The following PPP2R5A variants were observed in gnomAD, a reference collection of about 807,000 sequenced individuals.
PPP2R5A encodes the protein serine/threonine-protein phosphatase 2A 56 kDa regulatory subunit alpha isoform.
PPP2R5A carries 25 observed loss-of-function variants against 64.2 expected under a neutral mutation model. The observed-to-expected ratio is 0.39, with a 90% CI of 0.28 to 0.54. The LOEUF is 0.54. Ranked by LOEUF, PPP2R5A falls within the 20% of genes least tolerant of loss-of-function variation. The pLI is 0.67. For synonymous variants in PPP2R5A, 198 were observed against 201.2 expected, an observed-to-expected ratio of 0.98 and a Z score of 0.13; for missense variants, 425 against 576.3, an observed-to-expected ratio of 0.74 and a Z score of 2.69.
At chr1:212,311,635 G>T (rs780574604) in intron 1 of PPP2R5A, among the ~76,000 whole-genome samples, 29 of 152,112 alleles carry the variant, frequency 1.9e-4, no homozygotes, top group Non-Finnish European at 3.7e-4. Flanking sequence ...CCTCAGGCAG[G>T]CCCTTCAGGA....
chr1:212,358,664 G>C (rs780180514), intron 11 of PPP2R5A, 22 bp from the exon 12 acceptor site: 3 of 1,560,534 alleles, frequency 1.9e-6, no homozygotes, highest in Non-Finnish European at 2.6e-6. Context: ...CATAACTCAG[G>C]ACTGGCTCAT....
chr1:212,308,053 TTGCCCAGG>T (rs1658954013), intron 1 of PPP2R5A, among the ~76,000 whole-genome samples: 1 of 152,168 alleles, frequency 6.6e-6, no homozygotes, highest in Non-Finnish European at 1.5e-5. Context: ...TTCTCAACTG[TTGCCCAGG>T]CTGATCTTGA....
At chr1:212,294,823 G>A (rs186599041) in intron 1 of PPP2R5A, among the ~76,000 whole-genome samples, 1 of 152,318 alleles carries the variant, frequency 6.6e-6, no homozygotes, top group African/African-American at 2.4e-5. Context: ...TAGTAGGGGA[G>A]GGGAGTGATC....
chr1:212,335,049 A>G (rs927850279), intron 3 of PPP2R5A, among the ~76,000 whole-genome samples: 2 of 151,974 alleles, frequency 1.3e-5, no homozygotes, highest in Non-Finnish European at 2.9e-5. Context: ...GGTGTCCCAC[A>G]GGTCTCTGGA....
At chr1:212,309,833 A>G (rs1284662758) in intron 1 of PPP2R5A, among the ~76,000 whole-genome samples, 1 of 152,204 alleles carries the variant, frequency 6.6e-6, no homozygotes, top group African/African-American at 2.4e-5. Flanking sequence ...AGAAAAAAAA[A>G]AGTTCATGCA....
chr1:212,328,748 G>A (rs2102432473), intron 1 of PPP2R5A, among the ~76,000 whole-genome samples: 1 of 152,210 alleles, frequency 6.6e-6, no homozygotes, highest in African/African-American at 2.4e-5. Flanking sequence ...AATGGCAGCG[G>A]GAATGACAAG....
chr1:212,353,600 T>C (rs925933834), intron 8 of PPP2R5A, among the ~76,000 whole-genome samples: 3 of 152,220 alleles, frequency 2.0e-5, no homozygotes, highest in African/African-American at 4.8e-5. Context: ...TAGATACTCA[T>C]ATATATCTTT....
At chr1:212,316,014 C>T (rs894590194) in intron 1 of PPP2R5A, among the ~76,000 whole-genome samples, 3 of 152,174 alleles carry the variant, frequency 2.0e-5, no homozygotes, top group African/African-American at 7.2e-5. Flanking sequence ...CTGATGGCTC[C>T]ACCAACTGGC....
intron 1 of PPP2R5A, chr1:212,319,603 TTTTTG>T (rs1659222916): frequency 6.8e-6 from 1 of 148,110 alleles, no homozygotes; most frequent in Non-Finnish European, 1.5e-5. Flanking sequence ...TTATGTGTTC[TTTTTG>T]TTTTCTTTTC....
chr1:212,298,872 C>CA (rs1256490992), intron 1 of PPP2R5A, among the ~76,000 whole-genome samples: 4 of 33,714 alleles, frequency 1.2e-4, no homozygotes, highest in East Asian at 4.7e-4. Context: ...GCTGGCCAGG[C>CA]GGGGGGCTGA....
chr1:212,321,755 G>A (rs944319698), intron 1 of PPP2R5A, among the ~76,000 whole-genome samples: 1 of 151,706 alleles, frequency 6.6e-6, no homozygotes, highest in Non-Finnish European at 1.5e-5. Flanking sequence ...GGGCGGCCAG[G>A]CAGAGACGCT....
chr1:212,356,593 T>C lies in PPP2R5A; in HGVS notation c.928-33T>C, dbSNP rs375938134. The C allele has an allele frequency of 1.7e-5, 27 of 1,599,254 alleles. No individual in the cohort carries two copies. In the African/African-American group the frequency reaches 1.9e-4, roughly 11 times the overall value. On this transcript the variant is annotated intron_variant, in intron 8 of 12. Coordinates refer to ENST00000261461, the MANE Select transcript of PPP2R5A (RefSeq NM_006243.4). ...ACGCTGGGATTAACTAGCTTTGTTATTAAATTCATGCTAAACTTTTTCTTT... is the reference window on the plus strand; with the variant it reads ...ACGCTGGGATTAACTAGCTTTGTTACTAAATTCATGCTAAACTTTTTCTTT...
rs1172751388 is a variant in PPP2R5A at position 212,360,920 on chromosome 1, C to T, written c.*150C>T. On this transcript the variant is annotated 3_prime_UTR_variant, in exon 13 of 13. Transcript: ENST00000261461. Reference sequence around the variant, plus strand: ...TAAATGGAAAAATATATGGACTAAACGTAGCCCTGTGCTGTATCATGGCCA... The same window carrying T: ...TAAATGGAAAAATATATGGACTAAATGTAGCCCTGTGCTGTATCATGGCCA... The T allele has an allele frequency of 9.7e-6, 6 of 619,648 alleles. No individual in the cohort carries two copies. Among genetic ancestry groups the T allele is most frequent in the African/African-American group, 1.9e-5 (1 of 51,866 alleles). 38.4% of individuals were successfully genotyped at this position (619,648 alleles called of 1,614,324 possible).
intron 1 of PPP2R5A, among the ~76,000 whole-genome samples, chr1:212,288,888 A>G (rs1022293696): frequency 1.6e-4 from 24 of 152,208 alleles, no homozygotes; most frequent in Non-Finnish European, 1.2e-4. Flanking sequence ...GACCACATGC[A>G]TCTGAACTGG....
chr1:212,304,398 A>G (rs1312053045), intron 1 of PPP2R5A, among the ~76,000 whole-genome samples: 1 of 152,070 alleles, frequency 6.6e-6, no homozygotes, highest in African/African-American at 2.4e-5. Context: ...TTAAAATACA[A>G]AATTAGCCGG....
chr1:212,323,858 G>A (rs1242398873), intron 1 of PPP2R5A, among the ~76,000 whole-genome samples: 1 of 152,150 alleles, frequency 6.6e-6, no homozygotes, highest in Non-Finnish European at 1.5e-5. Context: ...TGGATCACGA[G>A]GTCAGGAGAT....
chr1:212,352,877 G>A (rs375819152), intron 8 of PPP2R5A: 2 of 519,112 alleles, frequency 3.9e-6, no homozygotes, highest in African/African-American at 3.8e-5. Flanking sequence ...AAGAAGCCAA[G>A]AGTGACAGTT....
intron 7 of PPP2R5A, 129 bp downstream of exon 7, chr1:212,348,626 A>T: frequency 1.5e-6 from 1 of 677,728 alleles, no homozygotes; most frequent in South Asian, 2.1e-5. Flanking sequence ...AAATTACCCA[A>T]AGCAAATTTT....
At chr1:212,322,282 A>AGAGGG (rs1659320658) in intron 1 of PPP2R5A, among the ~76,000 whole-genome samples, 3 of 96,104 alleles carry the variant, frequency 3.1e-5, no homozygotes, top group South Asian at 3.4e-4. Flanking sequence ...GAGGGAGAGG[A>AGAGGG]GGGAGAGGGA....
Sources: allele counts gnomAD v4.1 joint callset (sites outside exome capture counted in the v4.1 genomes callset), GRCh38; gene constraint gnomAD v4.1.1; transcripts MANE v1.5; gene names NCBI Gene and HGNC (gene_info 2026-07-23, HGNC 2026-07-21).